Variants in EHBP1 observed in about 807,000 individuals in gnomAD.
EHBP1 encodes EH domain binding protein 1, also known as EH domain-binding protein 1.
EHBP1 carries 55 observed loss-of-function variants against 144.0 expected under a neutral mutation model. The observed-to-expected ratio is 0.38, with a 90% CI of 0.31 to 0.48. The LOEUF (loss-of-function observed/expected upper bound fraction) is 0.48. Among genes scored for constraint, EHBP1 ranks in the 20% least tolerant of loss-of-function variants. The probability of loss-of-function intolerance (pLI) is 0.98; values close to 1 mark genes in which losing one functional copy is unlikely to be tolerated. For missense variants in EHBP1, 1,200 were observed against 1,364.2 expected, an observed-to-expected ratio of 0.88 and a Z score of 1.90; for synonymous variants, 469 against 472.7, an observed-to-expected ratio of 0.99 and a Z score of 0.10.
chr2:62,959,947 G>A (rs542571733), intron 14 of EHBP1, among the ~76,000 whole-genome samples: 28 of 152,276 alleles, frequency 1.8e-4, no homozygotes, highest in Middle Eastern at 6.8e-3. Context: ...TGTAGTGCAT[G>A]GGACAATGTC....
At chr2:62,854,563 A>C (rs1039546214) in intron 7 of EHBP1, among the ~76,000 whole-genome samples, 3 of 152,146 alleles carry the variant, frequency 2.0e-5, no homozygotes, top group African/African-American at 7.2e-5. Flanking sequence ...GAAAATAAGG[A>C]GGTCTGGGGA....
intron 2 of EHBP1, among the ~76,000 whole-genome samples, chr2:62,747,061 A>G (rs2039229092): frequency 6.6e-6 from 1 of 152,098 alleles, no homozygotes; most frequent in African/African-American, 2.4e-5. Flanking sequence ...AAAGGGAATA[A>G]TGTGTTAGAA....
chr2:62,863,993 C>T (rs1025884999), intron 8 of EHBP1, among the ~76,000 whole-genome samples: 1 of 151,222 alleles, frequency 6.6e-6, no homozygotes, highest in Non-Finnish European at 1.5e-5. Context: ...ATTGCAGGCC[C>T]CCGCCACCCC....
intron 3 of EHBP1, among the ~76,000 whole-genome samples, chr2:62,753,043 TATG>T (rs2039905312): frequency 6.6e-6 from 1 of 152,192 alleles, no homozygotes; most frequent in African/African-American, 2.4e-5. Flanking sequence ...ATCCTGTCAT[TATG>T]ATGTTAGCTG....
At chr2:62,737,765 A>G (rs1349065243) in intron 2 of EHBP1, among the ~76,000 whole-genome samples, 1 of 152,122 alleles carries the variant, frequency 6.6e-6, no homozygotes, top group Admixed American at 6.5e-5. Flanking sequence ...TCTTTAAAAA[A>G]AAAGAGTTTT....
chr2:62,974,344 C>T (rs889500865), intron 14 of EHBP1, among the ~76,000 whole-genome samples: 3 of 151,898 alleles, frequency 2.0e-5, no homozygotes, highest in Non-Finnish European at 4.4e-5. Flanking sequence ...CATGACTAGT[C>T]GAGATTGTTT....
chr2:62,755,118 G>T (rs1008483972), intron 3 of EHBP1, among the ~76,000 whole-genome samples: 4 of 152,140 alleles, frequency 2.6e-5, no homozygotes, highest in African/African-American at 9.7e-5. Flanking sequence ...TTCCTATTTG[G>T]CCATCTTGTA....
chr2:62,709,369 G>A (rs1335024866), intron 2 of EHBP1, among the ~76,000 whole-genome samples: 1 of 152,074 alleles, frequency 6.6e-6, no homozygotes, highest in Non-Finnish European at 1.5e-5. Context: ...GTGATTATAG[G>A]TGTTTCTTAA....
intron 9 of EHBP1, among the ~76,000 whole-genome samples, chr2:62,873,280 T>G (rs1048377292): frequency 4.6e-5 from 7 of 152,172 alleles, no homozygotes; most frequent in Non-Finnish European, 1.0e-4. Context: ...TATGTTTAAA[T>G]GATTAGTAAC....
chr2:62,845,716 T>G (rs896598554), intron 7 of EHBP1, among the ~76,000 whole-genome samples: 1 of 151,096 alleles, frequency 6.6e-6, no homozygotes, highest in Admixed American at 6.6e-5. Flanking sequence ...AAAAAAAGAT[T>G]AGCCAGGCTT....
At chr2:62,929,351 C>T (rs1229938737) in intron 10 of EHBP1, among the ~76,000 whole-genome samples, 1 of 152,106 alleles carries the variant, frequency 6.6e-6, no homozygotes, top group African/African-American at 2.4e-5. Context: ...AAACTAAATT[C>T]AGCAACATAT....
At chr2:62,819,776 A>AC (rs999608054) in intron 5 of EHBP1, among the ~76,000 whole-genome samples, 17 of 151,390 alleles carry the variant, frequency 1.1e-4, no homozygotes, top group Admixed American at 3.3e-4. Context: ...AAAAACAAAA[A>AC]AAAAAAAACC....
chr2:62,751,584 G>T (rs2039726414), intron 3 of EHBP1, among the ~76,000 whole-genome samples: 1 of 152,170 alleles, frequency 6.6e-6, no homozygotes, highest in South Asian at 2.1e-4. Context: ...TGTACCTCCG[G>T]TAGAATTCGG....
Position 62,874,446 on chromosome 2 carries a change from C to T in EHBP1, c.1099C>T (p.Pro367Ser), listed in dbSNP as rs148831756. The change falls in exon 10 of 23, where the codon CCG (proline) becomes TCG (serine). Residue 367 changes from proline (P) to serine (S), a missense_variant. Transcript: ENST00000431489. ...TGAAAGGCGAGTGAAAAGAAAGGCC[C>T]CGGCTCCACCAGTCCTCTCACCAAA... The part of the protein sequence containing the change: ...ETERRVKRKA[P>S]APPVLSPKTG... The T allele has an allele frequency of 1.2e-5, 20 of 1,613,342 alleles. No homozygotes were observed. Among genetic ancestry groups the T allele is most frequent in the Non-Finnish European group, 1.5e-5 (18 of 1,179,694 alleles).
At chr2:62,921,505 T>TA (rs2055080123) in intron 10 of EHBP1, among the ~76,000 whole-genome samples, 3 of 142,652 alleles carry the variant, frequency 2.1e-5, no homozygotes, top group African/African-American at 7.8e-5. Context: ...CAAAAGAACA[T>TA]ACGCTAAAGG....
intron 19 of EHBP1, among the ~76,000 whole-genome samples, chr2:63,020,246 C>T (rs528922786): frequency 6.6e-6 from 1 of 150,678 alleles, no homozygotes; most frequent in Non-Finnish European, 1.5e-5. Flanking sequence ...ATCACTTGAA[C>T]CTGGGTGGTG....
chr2:62,709,792 T>A (rs998583291), intron 2 of EHBP1, among the ~76,000 whole-genome samples: 2 of 152,018 alleles, frequency 1.3e-5, no homozygotes, highest in Non-Finnish European at 2.9e-5. Context: ...GTCTAGTGGT[T>A]CTAGAACTTA....
At chr2:62,728,227 AG>A (rs139467203) in intron 2 of EHBP1, among the ~76,000 whole-genome samples, 21,662 of 152,212 alleles carry the variant, frequency 0.14, 1,665 homozygotes, top group African/African-American at 0.16. Flanking sequence ...ATTACGAAGA[AG>A]GAGCTGTGTC....
intron 19 of EHBP1, among the ~76,000 whole-genome samples, chr2:62,997,904 G>A (rs969861623): frequency 6.6e-6 from 1 of 152,108 alleles, no homozygotes; most frequent in Non-Finnish European, 1.5e-5. Context: ...TAAGGGAGCA[G>A]AAAGTAGACA....
Sources: gnomAD v4.1 joint callset for allele counts (sites outside exome capture counted in the v4.1 genomes callset) on GRCh38, gnomAD v4.1.1 for gene constraint, MANE v1.5 for transcripts, NCBI Gene and HGNC (gene_info 2026-07-23, HGNC 2026-07-21) for gene names.